KCNH1: variants seen among roughly 807,000 people sequenced by gnomAD.
KCNH1 encodes the protein voltage-gated delayed rectifier potassium channel KCNH1.
In KCNH1, 27 loss-of-function variants were observed where a neutral mutation model predicts 69.2. The observed-to-expected ratio is 0.39, with a 90% CI of 0.29 to 0.54. KCNH1 has a LOEUF of 0.54. Among genes scored for constraint, KCNH1 ranks in the 20% least tolerant of loss-of-function variants. The probability of loss-of-function intolerance (pLI) is 0.68; values close to 1 mark genes in which losing one functional copy is unlikely to be tolerated. For missense variants in KCNH1, 798 were observed against 1,261.6 expected (o/e 0.63, Z 5.57); for synonymous variants, 456 against 487.7 (o/e 0.93, Z 0.86).
At chr1:211,015,143 G>A (rs552247930) in intron 6 of KCNH1, among the ~76,000 whole-genome samples, 8 of 152,118 alleles carry the variant, frequency 5.3e-5, no homozygotes, top group African/African-American at 1.7e-4. Context: ...AGATGCCTTG[G>A]GGAAAATGTA....
intron 6 of KCNH1, among the ~76,000 whole-genome samples, chr1:210,979,046 G>C (rs1258682887): frequency 2.0e-5 from 3 of 152,172 alleles, no homozygotes; most frequent in Non-Finnish European, 4.4e-5. Context: ...CGGGCTTCTA[G>C]AGATGTTGGC....
intron 7 of KCNH1, among the ~76,000 whole-genome samples, chr1:210,843,934 G>A (rs1685479840): frequency 6.6e-6 from 1 of 152,170 alleles, no homozygotes; most frequent in Non-Finnish European, 1.5e-5. Flanking sequence ...GGGCTTAGGA[G>A]TTGGTATGGC....
intron 10 of KCNH1, among the ~76,000 whole-genome samples, chr1:210,711,330 T>G (rs1029420198): frequency 6.6e-6 from 1 of 152,216 alleles, no homozygotes; most frequent in Non-Finnish European, 1.5e-5. Flanking sequence ...TCAGGGGCTG[T>G]TACTCTCTTC....
rs561096815 is a variant in KCNH1, at chr1:210,993,111, G to A, written c.1032+25672C>T. Among the ~76,000 whole-genome samples the A allele has an allele frequency of 6.6e-5, 10 of 152,228 alleles. No homozygotes were observed. In the South Asian group the frequency reaches 8.3e-4, roughly 13 times the overall value. ...AGCTTGCCCAACCCTCCCTGCTTAC[G>A]TCAGCCCCCCACTGCTACTCTCACA... is the stretch of plus-strand genomic sequence containing the variant. On this transcript the variant is annotated intron_variant, in intron 6 of 10. Transcript: ENST00000271751.
chr1:210,745,229 A>G (rs565347782), intron 10 of KCNH1, among the ~76,000 whole-genome samples: 1 of 97,378 alleles, frequency 1.0e-5, no homozygotes, highest in Non-Finnish European at 2.2e-5. Context: ...AAATTGTTTA[A>G]GTGCTATGAA....
rs781561792 is a variant in KCNH1 at position 210,726,807 on chromosome 1, C to CGGCAGG, written c.2113-42670_2113-42669insCCTGCC. Among the ~76,000 whole-genome samples the CGGCAGG allele has an allele frequency of 5.8e-3, 817 of 140,696 alleles. 4 individuals carry two copies. The highest frequency in any genetic ancestry group is 0.021 in the African/African-American group (775 of 36,382). 92.3% of individuals were successfully genotyped at this position (140,696 alleles called of 152,430 possible). On this transcript the variant is annotated intron_variant, in intron 10 of 10. Coordinates refer to ENST00000271751, the MANE Select transcript of KCNH1 (RefSeq NM_172362.3). ...TGGTTCAGAACCATGGACAGTTCCC[C>CGGCAGG]GGCGGGGGTGGGGTGGACTACTCTC...
chr1:210,792,566 GC>G (rs1286340935), intron 9 of KCNH1, among the ~76,000 whole-genome samples: 1 of 149,878 alleles, frequency 6.7e-6, no homozygotes, highest in East Asian at 1.9e-4. Context: ...CTCTTAACCA[GC>G]TAGTGGCAAC....
At chr1:211,087,641 A>ACACACACACACG (rs1374058105) in intron 4 of KCNH1, among the ~76,000 whole-genome samples, 51 of 38,732 alleles carry the variant, frequency 1.3e-3, no homozygotes, top group African/African-American at 6.9e-3. Context: ...ACACACACGC[A>ACACACACACACG]CACACACACA....
At chr1:210,853,946 C>CAAAAAAAAAAAAAAAAAAAAAAAAAAAAA (rs11445997) in intron 7 of KCNH1, among the ~76,000 whole-genome samples, 3 of 61,534 alleles carry the variant, frequency 4.9e-5, no homozygotes, top group African/African-American at 1.5e-4. Flanking sequence ...TTATCTAAGC[C>CAAAAAAAAAAAAAAAAAAAAAAAAAAAAA]AAAAAAAAAA....
intron 5 of KCNH1, among the ~76,000 whole-genome samples, chr1:211,076,410 G>A (rs1426342715): frequency 2.7e-5 from 4 of 149,182 alleles, no homozygotes; most frequent in African/African-American, 1.0e-4. Context: ...AGCAATATTT[G>A]CTGTTCTGCA....
chr1:210,903,788 T>G (rs1278699826), intron 7 of KCNH1, among the ~76,000 whole-genome samples: 1 of 152,208 alleles, frequency 6.6e-6, no homozygotes, highest in Non-Finnish European at 1.5e-5. Context: ...CTACCAACTC[T>G]CTGCCTCTCA....
chr1:211,103,856 A>G (rs1387167348), intron 2 of KCNH1, among the ~76,000 whole-genome samples: 1 of 152,242 alleles, frequency 6.6e-6, no homozygotes. Context: ...GGATTAGAGA[A>G]CAGTGTGATC....
chr1:211,060,991 A>G (rs1690424428), intron 5 of KCNH1, among the ~76,000 whole-genome samples: 1 of 152,204 alleles, frequency 6.6e-6, no homozygotes, highest in African/African-American at 2.4e-5. Context: ...CCAAAATCAG[A>G]CAAAGATACA....
chr1:211,052,986 C>A (rs1690232800), intron 5 of KCNH1, among the ~76,000 whole-genome samples: 2 of 152,210 alleles, frequency 1.3e-5, no homozygotes, highest in African/African-American at 4.8e-5. Flanking sequence ...CTAGATTTAC[C>A]AGACCAAATC....
At chr1:210,904,992 G>T (rs573717514) in intron 7 of KCNH1, among the ~76,000 whole-genome samples, 79 of 152,244 alleles carry the variant, frequency 5.2e-4, no homozygotes, top group African/African-American at 1.8e-3. Flanking sequence ...TCATCAGAAG[G>T]TTTACCATCT....
chr1:210,831,533 A>AATAG (rs1179605064), intron 7 of KCNH1, among the ~76,000 whole-genome samples: 1 of 152,156 alleles, frequency 6.6e-6, no homozygotes, highest in Admixed American at 6.6e-5. Flanking sequence ...AATAGCTATG[A>AATAG]ATAGATGCCT....
chr1:211,098,423 G>A (rs1385984858), intron 3 of KCNH1, among the ~76,000 whole-genome samples: 3 of 151,638 alleles, frequency 2.0e-5, no homozygotes, highest in Admixed American at 1.3e-4. Context: ...CAGGTTTTCC[G>A]AATGGCCAAT....
intron 6 of KCNH1, among the ~76,000 whole-genome samples, chr1:210,946,567 C>T (rs1177338950): frequency 6.6e-6 from 1 of 152,140 alleles, no homozygotes; most frequent in Non-Finnish European, 1.5e-5. Context: ...CAACAACAGC[C>T]CTAGAGACAC....
intron 1 of KCNH1, chr1:211,132,476 T>C (rs1691894780): frequency 2.0e-5 from 3 of 152,152 alleles, no homozygotes; most frequent in Admixed American, 1.3e-4. Flanking sequence ...AGAAACACTC[T>C]TAAGAGGCAC....
Sources: gnomAD v4.1 joint callset for allele counts (sites outside exome capture counted in the v4.1 genomes callset) on GRCh38, gnomAD v4.1.1 for gene constraint, MANE v1.5 for transcripts, NCBI Gene and HGNC (gene_info 2026-07-23, HGNC 2026-07-21) for gene names.